Variants in CCND3 observed in about 807,000 individuals in gnomAD.
The protein encoded by CCND3 is cyclin D3, also known as G1/S-specific cyclin-D3.
In CCND3, 9 loss-of-function variants were observed where a neutral mutation model predicts 28.7. The ratio of observed to expected loss-of-function variants is 0.31; its 90% CI spans 0.19 to 0.55. CCND3 has a LOEUF of 0.55. Among genes scored for constraint, CCND3 ranks in the 20% least tolerant of loss-of-function variants. The pLI is 0.93. For synonymous variants in CCND3, 164 were observed against 163.9 expected, an observed-to-expected ratio of 1.00 and a Z score of 0.00; for missense variants, 315 against 385.8, an observed-to-expected ratio of 0.82 and a Z score of 1.54.
chr6:42,012,632 T>C (rs764259744), intron 1 of CCND3, among the ~76,000 whole-genome samples: 5 of 151,922 alleles, frequency 3.3e-5, no homozygotes, highest in Non-Finnish European at 5.9e-5. Flanking sequence ...AAATGATGAG[T>C]GAAGGAGTTC....
chr6:41,978,945 G>A (rs935251631), intron 1 of CCND3, among the ~76,000 whole-genome samples: 10 of 150,416 alleles, frequency 6.6e-5, no homozygotes, highest in Admixed American at 1.3e-4. Flanking sequence ...TGGGAGGTAG[G>A]CGGATTACCT....
chr6:41,987,721 C>T (rs531897777), intron 1 of CCND3, among the ~76,000 whole-genome samples: 5 of 151,086 alleles, frequency 3.3e-5, no homozygotes, highest in South Asian at 4.2e-4. Context: ...AGACTGGTCT[C>T]GAACTCTTGG....
At chr6:41,947,923 A>G (rs1329401806) in intron 1 of CCND3, among the ~76,000 whole-genome samples, 3 of 152,096 alleles carry the variant, frequency 2.0e-5, no homozygotes, top group Non-Finnish European at 2.9e-5. Flanking sequence ...AAGACCCTGC[A>G]GCATCTATAC....
chr6:42,015,844 G>A (rs1419797791), intron 1 of CCND3, among the ~76,000 whole-genome samples: 1 of 151,984 alleles, frequency 6.6e-6, no homozygotes, highest in African/African-American at 2.4e-5. Flanking sequence ...CATATGCATT[G>A]CCTCACATTT....
chr6:41,951,023 T>C (rs932820106), intron 1 of CCND3, among the ~76,000 whole-genome samples: 2 of 151,982 alleles, frequency 1.3e-5, no homozygotes, highest in Non-Finnish European at 2.9e-5. Flanking sequence ...GCCACCCTTT[T>C]AAGCTTCCAG....
chr6:42,031,694 CTT>C (rs1453835979), intron 1 of CCND3, among the ~76,000 whole-genome samples: 1 of 151,634 alleles, frequency 6.6e-6, no homozygotes, highest in East Asian at 1.9e-4. Context: ...TCCTTCAAGT[CTT>C]TGTGTGTGTG....
At chr6:42,002,091 G>A (rs1327718350) in intron 1 of CCND3, among the ~76,000 whole-genome samples, 1 of 142,494 alleles carries the variant, frequency 7.0e-6, no homozygotes, top group Non-Finnish European at 1.5e-5. Context: ...CTCCAGCCTG[G>A]GTGAGAAGAG....
Position 41,935,827 on chromosome 6 carries a change from G to T in CCND3, c.*113C>A. On this transcript the variant is annotated 3_prime_UTR_variant, in exon 5 of 5. Transcript: ENST00000372991. ...GACCAGATCCCTTGGGCTTTGTGAAGGGGGAACAGACGCCCCTTCAGGCTT... is the reference window on the plus strand; with the variant it reads ...GACCAGATCCCTTGGGCTTTGTGAATGGGGAACAGACGCCCCTTCAGGCTT... 9.6e-7 allele frequency: 1 copy of T among 1,039,792 alleles called. No homozygotes were observed. Among genetic ancestry groups the T allele is most frequent in the Non-Finnish European group, 1.4e-6 (1 of 693,162 alleles). 64.4% of individuals were successfully genotyped at this position (1,039,792 alleles called of 1,614,324 possible). A position where few individuals can be genotyped will look rare whatever the true frequency, so the allele number is the denominator to read the frequency against.
chr6:41,964,513 T>A (rs199781129), intron 1 of CCND3, among the ~76,000 whole-genome samples: 46 of 150,486 alleles, frequency 3.1e-4, no homozygotes, highest in African/African-American at 1.0e-3. Context: ...TGTGTGTGTG[T>A]GAGTGTGTAT....
chr6:41,956,595 C>A (rs1034585839), intron 1 of CCND3, among the ~76,000 whole-genome samples: 1 of 152,182 alleles, frequency 6.6e-6, no homozygotes, highest in African/African-American at 2.4e-5. Flanking sequence ...GAATGGATTT[C>A]TCTGAGGAAT....
intron 1 of CCND3, among the ~76,000 whole-genome samples, chr6:42,046,872 G>C (rs59809770): frequency 0.026 from 3,904 of 152,296 alleles, 168 homozygotes; most frequent in African/African-American, 0.086. Context: ...AAGGAGGCAG[G>C]CTAGCCTAAT....
chr6:42,029,454 G>T (rs764724438), intron 1 of CCND3, among the ~76,000 whole-genome samples: 30 of 152,182 alleles, frequency 2.0e-4, no homozygotes, highest in Non-Finnish European at 3.7e-4. Flanking sequence ...GGCCTTGGGA[G>T]CCTCAAAGGA....
At chr6:42,014,037 A>C (rs1763418715) in intron 1 of CCND3, among the ~76,000 whole-genome samples, 1 of 144,712 alleles carries the variant, frequency 6.9e-6, no homozygotes. Context: ...GTGCCACTGC[A>C]CTCCAGCCTG....
At chr6:42,045,047 G>A (rs568940834) in intron 1 of CCND3, among the ~76,000 whole-genome samples, 18 of 146,794 alleles carry the variant, frequency 1.2e-4, no homozygotes, top group African/African-American at 3.8e-4. Context: ...CTCGTGATCC[G>A]CCCACCTTGG....
intron 1 of CCND3, among the ~76,000 whole-genome samples, chr6:41,967,399 G>A (rs1233762481): frequency 1.3e-5 from 2 of 152,162 alleles, no homozygotes; most frequent in South Asian, 4.1e-4. Flanking sequence ...AAATATCCCT[G>A]GATTTGATTC....
chr6:42,049,590 G>C (rs747880943), upstream of CCND3: 13 of 152,250 alleles, frequency 8.5e-5, no homozygotes, highest in South Asian at 2.1e-4. Context: ...TGGTAGCCGC[G>C]GGCACCCCAC....
At chr6:41,945,529 C>T (rs1288211747), upstream of CCND3, among the ~76,000 whole-genome samples, 3 of 152,004 alleles carry the variant, frequency 2.0e-5, no homozygotes, top group Admixed American at 6.6e-5. Context: ...AAAAAAAGTC[C>T]GCATCTGAGA....
Position 41,941,059 on chromosome 6 carries a change from G to C in CCND3, c.198+393C>G. ...CCATCGCCTTCCCCGCCAGAACCCC[G>C]CGAAAGACACAGGAACCGGCTCCCG... On this transcript the variant is annotated intron_variant, in intron 1 of 4. Coordinates refer to ENST00000372991, the MANE Select transcript of CCND3 (RefSeq NM_001760.5). The surrounding 1 kb of genome is among the most constrained non-coding windows in gnomAD (Gnocchi z 6.1). 2.5e-6 allele frequency: 4 copies of C among 1,589,498 alleles called. No homozygotes were observed. The South Asian group carries it at 4.5e-5, about 18-fold the overall frequency.
At chr6:41,951,044 A>G (rs1480609554) in intron 1 of CCND3, among the ~76,000 whole-genome samples, 1 of 151,994 alleles carries the variant, frequency 6.6e-6, no homozygotes, top group African/African-American at 2.4e-5. Context: ...TCTAAAGTGC[A>G]TGATATGATG....
Sources: allele counts gnomAD v4.1 joint callset (sites outside exome capture counted in the v4.1 genomes callset), GRCh38; gene constraint gnomAD v4.1.1; non-coding constraint Gnocchi (gnomAD v3.1); transcripts MANE v1.5; gene names NCBI Gene and HGNC (gene_info 2026-07-23, HGNC 2026-07-21).